Variants in NEK10 observed in about 807,000 individuals in gnomAD.
NEK10 encodes serine/threonine-protein kinase Nek10.
In NEK10, 122 loss-of-function variants were observed where a neutral mutation model predicts 159.8. That is an observed-to-expected ratio of 0.76 (90% CI 0.66 to 0.89). NEK10 has a LOEUF of 0.89. Ranked by LOEUF, NEK10 falls within the 40% of genes least tolerant of loss-of-function variation. The probability of loss-of-function intolerance (pLI) is 0.00; values close to 1 mark genes in which losing one functional copy is unlikely to be tolerated. For synonymous variants in NEK10, 466 were observed against 457.1 expected (o/e 1.02, Z -0.25); for missense variants, 1,342 against 1,323.1 (o/e 1.01, Z -0.22).
intron 22 of NEK10, among the ~76,000 whole-genome samples, chr3:27,261,216 A>G (rs2040385483): frequency 1.3e-5 from 2 of 151,740 alleles, no homozygotes; most frequent in African/African-American, 4.8e-5. Flanking sequence ...TTGTGTCTCT[A>G]TTTCCTTCAG....
At chr3:27,127,511 T>C (rs1942106349) in intron 32 of NEK10, among the ~76,000 whole-genome samples, 1 of 152,166 alleles carries the variant, frequency 6.6e-6, no homozygotes, top group East Asian at 1.9e-4. Flanking sequence ...TACAAAACTA[T>C]GCAGCATTTT....
At position 27,323,598 on chromosome 3, in the gene NEK10, A is replaced by AG. The variant is rs199558456; in HGVS notation, c.363-1338dup. 2.6e-3 allele frequency among the ~76,000 whole-genome samples: 369 copies of AG among 140,592 alleles called. 2 individuals carry two copies. The highest frequency in any genetic ancestry group is 4.8e-3 in the Non-Finnish European group (304 of 63,542). The allele number at this position is 140,592 out of a possible 152,430, so 92.2% of individuals were successfully genotyped here. ...GTGTATTTGCCACAGGTCTGTTCAG[A>AG]GGGGGGAAAAAAAAACCTGGATTTT... On this transcript the variant is annotated intron_variant, in intron 5 of 35. Transcript: ENST00000691995.
chr3:27,275,995 C>T (rs2149418410), intron 22 of NEK10, among the ~76,000 whole-genome samples: 1 of 152,162 alleles, frequency 6.6e-6, no homozygotes, highest in Non-Finnish European at 1.5e-5. Flanking sequence ...TAATATTCAA[C>T]TCCTCTTGTT....
intron 30 of NEK10, among the ~76,000 whole-genome samples, chr3:27,142,818 G>T (rs1407134819): frequency 6.6e-6 from 1 of 152,074 alleles, no homozygotes; most frequent in African/African-American, 2.4e-5. Flanking sequence ...AACATTCAAA[G>T]AAATACTACT....
chr3:27,226,402 G>T (rs1426588203), intron 23 of NEK10, among the ~76,000 whole-genome samples: 2 of 152,026 alleles, frequency 1.3e-5, no homozygotes, highest in African/African-American at 2.4e-5. Context: ...GAGGAAGGTG[G>T]GAATAATCTA....
At chr3:27,186,140 G>A (rs62255217) in intron 26 of NEK10, among the ~76,000 whole-genome samples, 3,624 of 152,294 alleles carry the variant, frequency 0.024, 63 homozygotes, top group Non-Finnish European at 0.031. Flanking sequence ...CAAAATATAG[G>A]TCTGGCACAC....
intron 22 of NEK10, among the ~76,000 whole-genome samples, chr3:27,278,350 G>A (rs1410779530): frequency 1.3e-5 from 2 of 152,234 alleles, no homozygotes; most frequent in East Asian, 1.9e-4. Flanking sequence ...TGTAGGATGT[G>A]TCAGCTAGGA....
intron 29 of NEK10, 107 bp downstream of exon 29, chr3:27,171,712 T>A (rs1947000770): frequency 8.8e-7 from 1 of 1,135,732 alleles, no homozygotes; most frequent in African/African-American, 1.5e-5. Context: ...TAACTCCTAT[T>A]TCCGCAGGCA....
At chr3:27,144,990 T>A (rs1944157374) in intron 30 of NEK10, among the ~76,000 whole-genome samples, 1 of 152,094 alleles carries the variant, frequency 6.6e-6, no homozygotes, top group African/African-American at 2.4e-5. Flanking sequence ...CCAAAGTGTA[T>A]TTTTATTCTT....
intron 20 of NEK10, among the ~76,000 whole-genome samples, chr3:27,285,904 T>C (rs79842554): frequency 0.24 from 35,986 of 152,064 alleles, 4,574 homozygotes; most frequent in Middle Eastern, 0.37. Flanking sequence ...TTAATCATTT[T>C]CCTACAGATA....
intron 6 of NEK10, among the ~76,000 whole-genome samples, chr3:27,321,807 C>T (rs1267326672): frequency 1.3e-5 from 2 of 152,196 alleles, no homozygotes; most frequent in Non-Finnish European, 2.9e-5. Context: ...CAGGCCATCA[C>T]TCATCACTGC....
intron 6 of NEK10, among the ~76,000 whole-genome samples, chr3:27,316,790 G>GAA (rs11403692): frequency 0.012 from 1,816 of 150,144 alleles, 12 homozygotes; most frequent in South Asian, 0.027. Flanking sequence ...AAAGAAAAAA[G>GAA]AAAAAAAAAG....
chr3:27,172,007 T>C, intron 28 of NEK10, 134 bp from the exon 29 acceptor site: 2 of 968,844 alleles, frequency 2.1e-6, no homozygotes, highest in Non-Finnish European at 3.0e-6. Flanking sequence ...ACACTGTTGG[T>C]GGGACTGTAA....
chr3:27,270,797 A>C (rs1293369395), intron 22 of NEK10, among the ~76,000 whole-genome samples: 1 of 152,132 alleles, frequency 6.6e-6, no homozygotes, highest in African/African-American at 2.4e-5. Flanking sequence ...ATAAATACTA[A>C]GAATAAAAGC....
intron 29 of NEK10, among the ~76,000 whole-genome samples, chr3:27,163,925 C>T (rs765754449): frequency 1.8e-4 from 27 of 152,100 alleles, no homozygotes; most frequent in Non-Finnish European, 3.1e-4. Flanking sequence ...AGTTATTAAG[C>T]GTAACAAAAT....
intron 22 of NEK10, among the ~76,000 whole-genome samples, chr3:27,267,389 A>G (rs2040985729): frequency 6.6e-6 from 1 of 152,130 alleles, no homozygotes; most frequent in Admixed American, 6.5e-5. Flanking sequence ...CTTTGCAAAT[A>G]TTGCATTCTT....
chr3:27,130,088 C>T (rs1942434818), intron 32 of NEK10, among the ~76,000 whole-genome samples: 1 of 152,066 alleles, frequency 6.6e-6, no homozygotes, highest in African/African-American at 2.4e-5. Context: ...AATGGAACCA[C>T]ACTTCTGTTG....
intron 23 of NEK10, among the ~76,000 whole-genome samples, chr3:27,236,543 T>G (rs1055205801): frequency 3.9e-5 from 6 of 151,952 alleles, no homozygotes; most frequent in African/African-American, 1.5e-4. Flanking sequence ...GTCTGAGAAA[T>G]AAAGAGAAAG....
Position 27,301,770 on chromosome 3 carries a change from C to G in NEK10, c.1094G>C (p.Arg365Pro). 6.4e-7 allele frequency: 1 copy of G among 1,561,780 alleles called. No homozygotes were observed. Among genetic ancestry groups the G allele is most frequent in the Non-Finnish European group, 8.7e-7 (1 of 1,150,868 alleles). Residue 365 changes from arginine to proline, a missense_variant, in exon 13 of 36, where the codon CGA (arginine) becomes CCA (proline). Arg to Pro is a moderately radical substitution (Grantham distance 103, BLOSUM62 -2). Coordinates refer to ENST00000691995, the MANE Select transcript of NEK10 (RefSeq NM_001394966.1). Reference sequence around the variant, plus strand: ...TTCTGATAAATGAAGCTGCTGGATTCGGCCTGCAGCATTTGCACTGGACAG... The same window carrying G: ...TTCTGATAAATGAAGCTGCTGGATTGGGCCTGCAGCATTTGCACTGGACAG... ...GSLSSANAAG[R>P]IQQLHLSEDL...
Sources: gnomAD v4.1 joint callset for allele counts (sites outside exome capture counted in the v4.1 genomes callset) on GRCh38, gnomAD v4.1.1 for gene constraint, MANE v1.5 for transcripts, NCBI Gene and HGNC (gene_info 2026-07-23, HGNC 2026-07-21) for gene names.